Variants in GATA3 observed in about 807,000 individuals in gnomAD.
The protein encoded by GATA3 is GATA binding protein 3.
A neutral mutation model predicts 36.0 loss-of-function variants in GATA3; 6 were observed. That is an observed-to-expected ratio of 0.17 (90% CI 0.09 to 0.33). The LOEUF (loss-of-function observed/expected upper bound fraction) is 0.33. GATA3 is among the 10% of genes least tolerant of loss of function. The pLI is 1.00. For missense variants in GATA3, 514 were observed against 610.1 expected, an observed-to-expected ratio of 0.84 and a Z score of 1.66; for synonymous variants, 326 against 273.0, an observed-to-expected ratio of 1.19 and a Z score of -1.92.
intron 3 of GATA3, among the ~76,000 whole-genome samples, chr10:8,060,412 G>C (rs1832727810): frequency 6.6e-6 from 1 of 152,196 alleles, no homozygotes; most frequent in African/African-American, 2.4e-5. Context: ...GGCTGGGCTT[G>C]GGGGTGGAGG....
intron 5 of GATA3, among the ~76,000 whole-genome samples, chr10:8,070,362 T>A (rs2131513825): frequency 6.6e-6 from 1 of 150,972 alleles, no homozygotes; most frequent in East Asian, 1.9e-4. Flanking sequence ...CATATCTTAA[T>A]CTTAAAAAAT....
At chr10:8,069,226 G>A (rs369603808) in intron 4 of GATA3, among the ~76,000 whole-genome samples, 1 of 152,218 alleles carries the variant, frequency 6.6e-6, no homozygotes. Context: ...TGCTCCTACC[G>A]GGGAGCAGCA....
At chr10:8,051,990 G>C (rs1832506877), upstream of GATA3, among the ~76,000 whole-genome samples, 1 of 152,030 alleles carries the variant, frequency 6.6e-6, no homozygotes, top group Admixed American at 6.5e-5. Context: ...CTTCCCCGCT[G>C]CCCTGTGCTC....
exon 1 of GATA3, chr10:8,045,386 C>G (rs892631513): frequency 6.6e-6 from 1 of 152,514 alleles, no homozygotes; most frequent in Admixed American, 6.5e-5. Flanking sequence ...ATGCGGTGAG[C>G]AGTTCCAGCG....
chr10:8,048,429 G>T (rs78715208), intron 1 of GATA3, among the ~76,000 whole-genome samples: 4,301 of 152,344 alleles, frequency 0.028, 211 homozygotes, highest in African/African-American at 0.099. Context: ...AGTCCTGGGT[G>T]CTATAGCGGT....
chr10:8,064,093 A>G lies in GATA3; in HGVS notation c.879A>G (p.Lys293=), dbSNP rs1832793167. 3.1e-6 allele frequency: 5 copies of G among 1,614,046 alleles called. No homozygotes were observed. The highest frequency in any genetic ancestry group is 4.2e-6 in the Non-Finnish European group (5 of 1,180,010). The change falls in exon 4 of 6, where the codon AAA becomes AAG. Residue 293 remains lysine, a synonymous_variant. Coordinates refer to ENST00000379328, the MANE Select transcript of GATA3 (RefSeq NM_001002295.2). Reference sequence around the variant, plus strand: ...GCAACGCCTGCGGGCTCTATCACAAAATGAACGGACAGAACCGGCCCCTCA... The same window carrying G: ...GCAACGCCTGCGGGCTCTATCACAAGATGAACGGACAGAACCGGCCCCTCA... The part of the protein sequence containing the change: ...YLCNACGLYH[K]MNGQNRPLIK...
intron 4 of GATA3, among the ~76,000 whole-genome samples, chr10:8,068,219 G>C (rs769640611): frequency 6.6e-6 from 1 of 152,048 alleles, no homozygotes; most frequent in Non-Finnish European, 1.5e-5. Flanking sequence ...ACACAACCAA[G>C]GAATCAAAAT....
intron 3 of GATA3, among the ~76,000 whole-genome samples, chr10:8,063,715 C>T (rs562602024): frequency 1.3e-5 from 2 of 152,202 alleles, no homozygotes; most frequent in African/African-American, 4.8e-5. Context: ...TCTTCTCCAT[C>T]AAGTCGGGCA....
Position 8,054,883 on chromosome 10 carries a change from G to C in GATA3, c.-378G>C, listed in dbSNP as rs956816382. 6.6e-6 allele frequency: 1 copy of C among 152,064 alleles called. No individual in the cohort carries two copies. Among genetic ancestry groups the C allele is most frequent in the African/African-American group, 2.4e-5 (1 of 40,982 alleles). 9.4% of individuals were successfully genotyped at this position (152,064 alleles called of 1,614,324 possible). On this transcript the variant is annotated 5_prime_UTR_variant, in exon 1 of 6. Transcript: ENST00000379328. This position sits in a 1 kb window ranked among gnomAD's most constrained non-coding sequence, Gnocchi z 4.2. The stretch of plus-strand genomic sequence containing the variant: ...CGCCTCCTCCTCCTCTCTGCTCTTC[G>C]CTACCCAGGTTGGTACTGGTGACTT...
upstream of GATA3, among the ~76,000 whole-genome samples, chr10:8,049,100 A>AAAAAAAG (rs1257081832): frequency 1.4e-5 from 2 of 146,078 alleles, no homozygotes; most frequent in African/African-American, 2.6e-5. Context: ...ACAAACAGAA[A>AAAAAAAG]AAAAAAGAAA....
At chr10:8,071,453 A>G (rs1443065712) in intron 5 of GATA3, among the ~76,000 whole-genome samples, 1 of 152,206 alleles carries the variant, frequency 6.6e-6, no homozygotes, top group Non-Finnish European at 1.5e-5. Context: ...TTGAATAGTT[A>G]GCTGGGATGA....
At chr10:8,072,366 G>C (rs1346582440) in intron 5 of GATA3, among the ~76,000 whole-genome samples, 1 of 152,196 alleles carries the variant, frequency 6.6e-6, no homozygotes, top group African/African-American at 2.4e-5. Flanking sequence ...GGGAAGTCAG[G>C]AATGGCCAGG....
upstream of GATA3, among the ~76,000 whole-genome samples, chr10:8,048,767 T>C (rs1260745024): frequency 2.6e-5 from 4 of 152,226 alleles, no homozygotes; most frequent in African/African-American, 9.6e-5. Context: ...GCCTCACGTG[T>C]GAGTTGTTAA....
Position 8,058,165 on chromosome 10 carries a change from ATG to A in GATA3, c.242-139_242-138del, listed in dbSNP as rs879675341. ...GGCAGGTACTCCGGGGACCGCCAGG[ATG>A]AGAGAGTGGGCCTGAGCCCGGGCTT... On this transcript the variant is annotated intron_variant, in intron 2 of 5. Transcript: ENST00000379328. 0.82 allele frequency: 711,270 copies of A among 869,690 alleles called. 296,959 individuals carry two copies. Among genetic ancestry groups the A allele is most frequent in the East Asian group, 0.96 (36,632 of 38,342 alleles). 53.9% of individuals were successfully genotyped at this position (869,690 alleles called of 1,614,324 possible).
chr10:8,068,694 A>G (rs974084375), intron 4 of GATA3, among the ~76,000 whole-genome samples: 7 of 152,346 alleles, frequency 4.6e-5, no homozygotes, highest in Non-Finnish European at 5.9e-5. Context: ...TGGAGGTTGC[A>G]GTGAGCTGAG....
At chr10:8,060,614 T>C (rs572924787) in intron 3 of GATA3, among the ~76,000 whole-genome samples, 2 of 151,760 alleles carry the variant, frequency 1.3e-5, no homozygotes, top group Non-Finnish European at 2.9e-5. Flanking sequence ...GGCGTAGTGG[T>C]TTGTGCGGGG....
chr10:8,058,095 G>C (rs574793837), intron 2 of GATA3, among the ~76,000 whole-genome samples: 23 of 152,294 alleles, frequency 1.5e-4, no homozygotes, highest in Non-Finnish European at 1.5e-4. Context: ...CTGTGGGAGA[G>C]ATGGGTGAAG....
upstream of GATA3, chr10:8,051,057 A>G (rs747701858): frequency 1.9e-6 from 1 of 527,220 alleles, no homozygotes. Context: ...TGAGCCCCAG[A>G]AAGCCGCGCC....
At chr10:8,062,242 C>A (rs1175640069) in intron 3 of GATA3, among the ~76,000 whole-genome samples, 1 of 152,004 alleles carries the variant, frequency 6.6e-6, no homozygotes, top group East Asian at 1.9e-4. Context: ...TTGGCATGCA[C>A]TGCAGCGTGT....
Sources: allele counts gnomAD v4.1 joint callset (sites outside exome capture counted in the v4.1 genomes callset), GRCh38; gene constraint gnomAD v4.1.1; non-coding constraint Gnocchi (gnomAD v3.1); transcripts MANE v1.5; gene names NCBI Gene and HGNC (gene_info 2026-07-23, HGNC 2026-07-21).